DOCK10: variants seen among roughly 807,000 people sequenced by gnomAD.
DOCK10 encodes the protein dedicator of cytokinesis protein 10.
Under a neutral mutation model 280.1 loss-of-function variants are expected in DOCK10, and 145 were observed. That is an observed-to-expected ratio of 0.52 (90% CI 0.45 to 0.59). DOCK10 has a LOEUF of 0.59. DOCK10 is among the 20% of genes least tolerant of loss of function. DOCK10 has a pLI of 0.00. For synonymous variants in DOCK10, 915 were observed against 942.2 expected, an observed-to-expected ratio of 0.97 and a Z score of 0.53; for missense variants, 2,368 against 2,651.7, an observed-to-expected ratio of 0.89 and a Z score of 2.35.
intron 31 of DOCK10, among the ~76,000 whole-genome samples, chr2:224,810,566 G>A (rs1693695764): frequency 6.6e-6 from 1 of 151,382 alleles, no homozygotes; most frequent in African/African-American, 2.4e-5. Context: ...CATGTGCCAT[G>A]TTGGTGTGCT....
intron 40 of DOCK10, among the ~76,000 whole-genome samples, chr2:224,800,796 C>T (rs1283855716): frequency 6.6e-5 from 10 of 152,082 alleles, no homozygotes; most frequent in Admixed American, 6.6e-4. Flanking sequence ...GTGACACAGC[C>T]CTCAGGAAAC....
intron 44 of DOCK10, 130 bp from the exon 45 acceptor site, chr2:224,795,224 A>T: frequency 1.4e-6 from 1 of 734,152 alleles, no homozygotes; most frequent in Non-Finnish European, 2.2e-6. Context: ...AAATGAGTGC[A>T]TTCTATATAT....
intron 28 of DOCK10, among the ~76,000 whole-genome samples, chr2:224,819,848 T>C (rs1205191080): frequency 6.6e-6 from 1 of 152,042 alleles, no homozygotes; most frequent in East Asian, 1.9e-4. Context: ...AACAAAAATA[T>C]CAATCAGAAA....
At chr2:224,823,788 T>C in intron 27 of DOCK10, 141 bp from the exon 28 acceptor site, 2 of 711,098 alleles carry the variant, frequency 2.8e-6, no homozygotes, top group Non-Finnish European at 4.2e-6. Flanking sequence ...AGTAATAAAA[T>C]AGAAGCCTTT....
intron 1 of DOCK10, among the ~76,000 whole-genome samples, chr2:224,967,203 C>T (rs1272610974): frequency 1.3e-5 from 2 of 152,098 alleles, no homozygotes; most frequent in Non-Finnish European, 2.9e-5. Flanking sequence ...CCTCAGCCTC[C>T]CGAGTAGTTG....
At chr2:224,890,327 G>A (rs1699582071) in intron 4 of DOCK10, among the ~76,000 whole-genome samples, 2 of 152,210 alleles carry the variant, frequency 1.3e-5, no homozygotes, top group Admixed American at 1.3e-4. Flanking sequence ...AGGAGAGAAA[G>A]CCTTTCAAAC....
intron 3 of DOCK10, among the ~76,000 whole-genome samples, chr2:224,911,731 T>A (rs1028573984): frequency 6.6e-6 from 1 of 152,110 alleles, no homozygotes; most frequent in Non-Finnish European, 1.5e-5. Flanking sequence ...GTGAGAGCAA[T>A]TGGAAACTGC....
Position 224,859,376 on chromosome 2 carries a change from A to C in DOCK10, c.1686-2394T>G, listed in dbSNP as rs141858444. On this transcript the variant is annotated intron_variant, in intron 14 of 55. Transcript: ENST00000258390. ...ACCTAGGATTCTGGGGCTGATATGC[A>C]TGGAAAGAGATCCATTCACAACCTG... 3.5e-3 allele frequency among the ~76,000 whole-genome samples: 530 copies of C among 152,356 alleles called. 5 individuals carry two copies. The highest frequency in any genetic ancestry group is 0.01 in the Admixed American group (158 of 15,302).
intron 1 of DOCK10, among the ~76,000 whole-genome samples, chr2:224,940,944 T>C (rs371108425): frequency 1.4e-4 from 22 of 152,332 alleles, no homozygotes; most frequent in South Asian, 8.3e-4. Flanking sequence ...ACAAGTCACA[T>C]TTACTGTATT....
chr2:224,927,045 C>T (rs1265689734), intron 2 of DOCK10, among the ~76,000 whole-genome samples: 1 of 152,038 alleles, frequency 6.6e-6, no homozygotes, highest in Non-Finnish European at 1.5e-5. Context: ...CAGGTGGGGT[C>T]ATGTTATAAA....
At chr2:224,919,046 T>C (rs1410945620) in intron 2 of DOCK10, among the ~76,000 whole-genome samples, 1 of 148,162 alleles carries the variant, frequency 6.7e-6, no homozygotes, top group Admixed American at 6.7e-5. Flanking sequence ...TGAGTGTATG[T>C]GTGGTCTGTG....
chr2:224,998,709 C>T (rs1392120855), intron 1 of DOCK10, among the ~76,000 whole-genome samples: 1 of 152,140 alleles, frequency 6.6e-6, no homozygotes, highest in Non-Finnish European at 1.5e-5. Flanking sequence ...TCTAAGCACC[C>T]CCTTTCTTCC....
chr2:224,790,379 A>G (rs1692092344), intron 47 of DOCK10, among the ~76,000 whole-genome samples: 1 of 152,218 alleles, frequency 6.6e-6, no homozygotes, highest in Non-Finnish European at 1.5e-5. Context: ...AGGAGGTGAT[A>G]ATAGCACCTA....
chr2:224,775,238 G>A, intron 51 of DOCK10, 123 bp from the exon 52 acceptor site: 1 of 831,604 alleles, frequency 1.2e-6, no homozygotes, highest in South Asian at 1.6e-5. Flanking sequence ...AGAAAAATGG[G>A]CAGTCACATC....
intron 1 of DOCK10, among the ~76,000 whole-genome samples, chr2:225,037,572 T>C (rs1690294938): frequency 6.6e-6 from 1 of 152,216 alleles, no homozygotes; most frequent in African/African-American, 2.4e-5. Flanking sequence ...GTTACTTAAC[T>C]TAGGGAAACA....
At chr2:224,889,317 T>A (rs1003046166) in intron 4 of DOCK10, among the ~76,000 whole-genome samples, 1 of 152,330 alleles carries the variant, frequency 6.6e-6, no homozygotes, top group Non-Finnish European at 1.5e-5. Flanking sequence ...CTCCCTTCAT[T>A]TTCAGCAGGG....
Position 224,970,987 on chromosome 2 carries a change from G to T in DOCK10, c.124-39319C>A, listed in dbSNP as rs1018576721. 6.6e-6 allele frequency among the ~76,000 whole-genome samples: 1 copy of T among 152,162 alleles called. No homozygotes were observed. Among genetic ancestry groups the T allele is most frequent in the African/African-American group, 2.4e-5 (1 of 41,436 alleles). On this transcript the variant is annotated intron_variant, in intron 1 of 55. Transcript: ENST00000258390. The surrounding 1 kb of genome is among the most constrained non-coding windows in gnomAD (Gnocchi z 4.6). The stretch of plus-strand genomic sequence containing the variant: ...TACCATGTAGTTAAAAAGAATGTGG[G>T]TCTCATCATTTTGAGACCTGAACAA...
In DOCK10 at chr2:224,807,656, G is replaced by C. The variant is rs1693487335; in HGVS notation, c.3702+12C>G. 4.1e-6 allele frequency: 6 copies of C among 1,460,922 alleles called. No individual in the cohort carries two copies. Among genetic ancestry groups the C allele is most frequent in the Non-Finnish European group, 5.6e-6 (6 of 1,072,602 alleles). 90.5% of individuals were successfully genotyped at this position (1,460,922 alleles called of 1,614,324 possible). Reference sequence around the variant, plus strand: ...TATTAACATAGAAATGTGACATATTGTGCAAACGTACCTGATTAGATGTAT... The same window carrying C: ...TATTAACATAGAAATGTGACATATTCTGCAAACGTACCTGATTAGATGTAT... On this transcript the variant is annotated intron_variant, in intron 33 of 55. Transcript: ENST00000258390.
chr2:224,789,753 C>T (rs1369463410), intron 47 of DOCK10, among the ~76,000 whole-genome samples: 1 of 150,682 alleles, frequency 6.6e-6, no homozygotes, highest in Admixed American at 6.6e-5. Context: ...CACAGTGGCC[C>T]CCAAAAAGAC....
Sources: allele counts gnomAD v4.1 joint callset (sites outside exome capture counted in the v4.1 genomes callset), GRCh38; gene constraint gnomAD v4.1.1; non-coding constraint Gnocchi (gnomAD v3.1); transcripts MANE v1.5; gene names NCBI Gene and HGNC (gene_info 2026-07-23, HGNC 2026-07-21).